The following TUSC3 variants were observed in gnomAD, a reference collection of about 807,000 sequenced individuals.
TUSC3 encodes dolichyl-diphosphooligosaccharide--protein glycosyltransferase subunit TUSC3.
Under a neutral mutation model 44.8 loss-of-function variants are expected in TUSC3, and 45 were observed. The observed-to-expected ratio is 1.00, with a 90% CI of 0.79 to 1.29. The LOEUF (loss-of-function observed/expected upper bound fraction) is 1.29. TUSC3 is among the 50% of genes most tolerant of loss of function. The pLI is 0.00. For synonymous variants in TUSC3, 212 were observed against 152.9 expected, an observed-to-expected ratio of 1.39 and a Z score of -2.85; for missense variants, 519 against 437.9, an observed-to-expected ratio of 1.19 and a Z score of -1.65.
intron 1 of TUSC3, among the ~76,000 whole-genome samples, chr8:15,614,274 C>A (rs1419844649): frequency 6.6e-6 from 1 of 152,004 alleles, no homozygotes; most frequent in Non-Finnish European, 1.5e-5. Flanking sequence ...ATGAGGCTCA[C>A]TTATGCCCAC....
chr8:15,601,788 G>A (rs964810298), intron 1 of TUSC3, among the ~76,000 whole-genome samples: 2 of 151,580 alleles, frequency 1.3e-5, no homozygotes, highest in Non-Finnish European at 3.0e-5. Context: ...GAGCTTTCCT[G>A]AGTTTCTGAA....
chr8:15,793,694 A>T, the TUSC3 span, among the ~76,000 whole-genome samples: 1 of 152,294 alleles, frequency 6.6e-6, no homozygotes, highest in African/African-American at 2.4e-5. Flanking sequence ...TGAGGGCAGG[A>T]TTTTTTATTA....
At chr8:15,737,483 G>A (rs1386608871) in intron 7 of TUSC3, among the ~76,000 whole-genome samples, 1 of 152,066 alleles carries the variant, frequency 6.6e-6, no homozygotes, top group East Asian at 1.9e-4. Context: ...TTTTGACTAA[G>A]CAGTAGGAAA....
chr8:15,643,413 T>G (rs115480670), intron 2 of TUSC3, among the ~76,000 whole-genome samples: 3,115 of 151,542 alleles, frequency 0.021, 85 homozygotes, highest in African/African-American at 0.064. Flanking sequence ...GTTAGTTGTT[T>G]TTTTTTTTTT....
intron 2 of TUSC3, among the ~76,000 whole-genome samples, chr8:15,486,809 A>G (rs1171038686): frequency 6.6e-6 from 1 of 152,210 alleles, no homozygotes; most frequent in African/African-American, 2.4e-5. Flanking sequence ...AATGTATTCT[A>G]TATTCCTTTC....
chr8:15,675,243 A>G (rs1398573444), intron 6 of TUSC3, among the ~76,000 whole-genome samples: 1 of 152,146 alleles, frequency 6.6e-6, no homozygotes, highest in Non-Finnish European at 1.5e-5. Context: ...TTAACGTTGT[A>G]AATTTAGGAA....
chr8:15,785,937 A>G, the TUSC3 span, among the ~76,000 whole-genome samples: 220 of 152,308 alleles, frequency 1.4e-3, 1 homozygote, highest in African/African-American at 5.2e-3. Flanking sequence ...AGAATTTCCA[A>G]CACTATTAGC....
At chr8:15,572,424 A>T (rs562535869) in intron 1 of TUSC3, among the ~76,000 whole-genome samples, 1 of 152,104 alleles carries the variant, frequency 6.6e-6, no homozygotes, top group East Asian at 1.9e-4. Flanking sequence ...GCTTGGTTTA[A>T]GGGGATGTTG....
At chr8:15,589,547 T>C (rs1482187620) in intron 1 of TUSC3, among the ~76,000 whole-genome samples, 1 of 152,198 alleles carries the variant, frequency 6.6e-6, no homozygotes, top group East Asian at 1.9e-4. Flanking sequence ...TAAATTAATG[T>C]TAAATTTGCC....
At chr8:15,499,643 C>T (rs763010981) in intron 2 of TUSC3, among the ~76,000 whole-genome samples, 4 of 152,108 alleles carry the variant, frequency 2.6e-5, no homozygotes, top group Admixed American at 6.6e-5. Context: ...CACTGGTCCA[C>T]GGGGTGCTTA....
intron 6 of TUSC3, among the ~76,000 whole-genome samples, chr8:15,724,224 A>G (rs897146451): frequency 7.2e-5 from 11 of 152,116 alleles, no homozygotes; most frequent in Admixed American, 3.9e-4. Flanking sequence ...TGGCACCTTC[A>G]TCTTGGACTT....
intron 1 of TUSC3, among the ~76,000 whole-genome samples, chr8:15,555,276 ATTTTTTTTTTTT>A (rs35757466): frequency 0.015 from 689 of 44,922 alleles, 20 homozygotes; most frequent in African/African-American, 0.067. Context: ...TGCCAGGCTA[ATTTTTTTTTTTT>A]TTTTTTTTTT....
chr8:15,802,567 G>C, the TUSC3 span, among the ~76,000 whole-genome samples: 1 of 152,034 alleles, frequency 6.6e-6, no homozygotes, highest in Non-Finnish European at 1.5e-5. Flanking sequence ...GATTACAGGT[G>C]CACGCCACCG....
At chr8:15,635,926 G>A (rs1224749504) in intron 2 of TUSC3, among the ~76,000 whole-genome samples, 1 of 152,184 alleles carries the variant, frequency 6.6e-6, no homozygotes, top group Non-Finnish European at 1.5e-5. Context: ...ACCTCTTGGT[G>A]ACTAGTTCGC....
At chr8:15,461,610 C>T (rs1195711227) in intron 1 of TUSC3, among the ~76,000 whole-genome samples, 1 of 151,952 alleles carries the variant, frequency 6.6e-6, no homozygotes, top group African/African-American at 2.4e-5. Flanking sequence ...TTGTCTTTTT[C>T]CAGTCCTCAG....
intron 1 of TUSC3, among the ~76,000 whole-genome samples, chr8:15,462,613 G>A (rs74779149): frequency 3.9e-5 from 6 of 152,192 alleles, no homozygotes; most frequent in Non-Finnish European, 7.4e-5. Context: ...CTAACTCTAT[G>A]TTTAAACCAA....
the TUSC3 span, among the ~76,000 whole-genome samples, chr8:15,807,670 C>T: frequency 1.3e-5 from 2 of 152,124 alleles, no homozygotes; most frequent in African/African-American, 4.8e-5. Context: ...GCATGTTGGA[C>T]TACTAAACAC....
At chr8:15,687,014 A>G (rs1238411036) in intron 6 of TUSC3, among the ~76,000 whole-genome samples, 2 of 152,142 alleles carry the variant, frequency 1.3e-5, no homozygotes, top group Admixed American at 1.3e-4. Context: ...CGGAGCTTGC[A>G]GTGAGCCGAG....
In TUSC3 at chr8:15,653,696, T is replaced by A. The variant is rs752647736; in HGVS notation, c.426+2882T>A. Among the ~76,000 whole-genome samples, 5 of 152,326 alleles carry A rather than the reference T, an allele frequency of 3.3e-5. No homozygotes were observed. The South Asian group carries it at 1.0e-3, about 32-fold the overall frequency. On this transcript the variant is annotated intron_variant, in intron 3 of 10. Coordinates refer to ENST00000503731, the MANE Select transcript of TUSC3 (RefSeq NM_006765.4). ...AAAAGTTATAGCAGTTAATGAGTTT[T>A]ATGAGGAATTTTAATCTACAGAAGT... is the stretch of plus-strand genomic sequence containing the variant.
Sources: gnomAD v4.1 joint callset for allele counts (sites outside exome capture counted in the v4.1 genomes callset) on GRCh38, gnomAD v4.1.1 for gene constraint, MANE v1.5 for transcripts, NCBI Gene and HGNC (gene_info 2026-07-23, HGNC 2026-07-21) for gene names.